The following ERGIC1 variants were observed in gnomAD, a reference collection of about 807,000 sequenced individuals.
ERGIC1 encodes endoplasmic reticulum-golgi intermediate compartment 1.
A neutral mutation model predicts 38.3 loss-of-function variants in ERGIC1; 19 were observed. That is an observed-to-expected ratio of 0.50 (90% CI 0.35 to 0.73). ERGIC1 has a LOEUF of 0.73. Among genes scored for constraint, ERGIC1 ranks in the 30% least tolerant of loss-of-function variants. The probability of loss-of-function intolerance (pLI) is 0.01; values close to 1 mark genes in which losing one functional copy is unlikely to be tolerated. For missense variants in ERGIC1, 294 were observed against 389.2 expected (o/e 0.76, Z 2.06); for synonymous variants, 124 against 157.6 (o/e 0.79, Z 1.60).
At chr5:172,872,811 A>G (rs1231373593) in intron 1 of ERGIC1, among the ~76,000 whole-genome samples, 2 of 152,024 alleles carry the variant, frequency 1.3e-5, no homozygotes, top group Non-Finnish European at 2.9e-5. Context: ...GCAAAACTCT[A>G]TCTCAAAAAA....
intron 3 of ERGIC1, chr5:172,905,565 G>A (rs1454539340): frequency 7.5e-6 from 3 of 400,322 alleles, no homozygotes; most frequent in African/African-American, 2.1e-5. Context: ...GGACAAACCC[G>A]GGCACTTAGC....
chr5:172,914,089 T>C (rs527899806), intron 4 of ERGIC1, among the ~76,000 whole-genome samples: 4 of 151,336 alleles, frequency 2.6e-5, no homozygotes, highest in Non-Finnish European at 5.9e-5. Context: ...ACAAAAAAAA[T>C]TTTTTTGTAT....
intron 3 of ERGIC1, among the ~76,000 whole-genome samples, chr5:172,900,599 A>G (rs1412444062): frequency 6.6e-6 from 1 of 152,006 alleles, no homozygotes; most frequent in Non-Finnish European, 1.5e-5. Context: ...AGTCCCAGCT[A>G]CTTGGGAGGC....
intron 1 of ERGIC1, chr5:172,867,273 G>A (rs2113138778): frequency 2.3e-6 from 1 of 432,538 alleles, no homozygotes; most frequent in South Asian, 1.6e-5. Context: ...GATCCCTTTG[G>A]GTACAGGCGG....
At chr5:172,940,131 G>A (rs1015069408) in intron 9 of ERGIC1, among the ~76,000 whole-genome samples, 3 of 152,090 alleles carry the variant, frequency 2.0e-5, no homozygotes, top group Admixed American at 2.0e-4. Context: ...AGGGAGGGAG[G>A]GTAGAGGCAG....
chr5:172,836,828 G>A (rs1468700667), intron 1 of ERGIC1, among the ~76,000 whole-genome samples: 1 of 152,216 alleles, frequency 6.6e-6, no homozygotes, highest in African/African-American at 2.4e-5. Context: ...ACACTTTGGG[G>A]TGCAGACATC....
At chr5:172,868,134 G>T (rs936900819) in intron 1 of ERGIC1, among the ~76,000 whole-genome samples, 1 of 152,224 alleles carries the variant, frequency 6.6e-6, no homozygotes, top group African/African-American at 2.4e-5. Context: ...CGCTTGCTAC[G>T]TGCTGGGAGC....
chr5:172,834,507 CCT>C lies in ERGIC1; in HGVS notation c.20+76_20+77del, dbSNP rs1456630638. 2.7e-5 allele frequency: 33 copies of C among 1,243,674 alleles called. No individual in the cohort carries two copies. The African/African-American group carries it at 5.0e-4, about 19-fold the overall frequency. 77.0% of individuals were successfully genotyped at this position (1,243,674 alleles called of 1,614,324 possible). On this transcript the variant is annotated intron_variant, in intron 1 of 9. Coordinates refer to ENST00000393784, the MANE Select transcript of ERGIC1 (RefSeq NM_001031711.3). This position sits in a 1 kb window ranked among gnomAD's most constrained non-coding sequence, Gnocchi z 4.1. ...GGAGCGCCCCGGCACGCCGCGGACCCCTCCCGCCCTGCATGCAAAAGCGGCTC... is the reference window on the plus strand; with the variant it reads ...GGAGCGCCCCGGCACGCCGCGGACCCCCCGCCCTGCATGCAAAAGCGGCTC...
intron 1 of ERGIC1, among the ~76,000 whole-genome samples, chr5:172,884,407 TTTG>T (rs1465276195): frequency 6.6e-5 from 10 of 151,592 alleles, no homozygotes; most frequent in Admixed American, 6.6e-4. Flanking sequence ...ACGCCCAACT[TTTG>T]TTGTTGTTTT....
chr5:172,867,475 G>A, intron 1 of ERGIC1: 1 of 422,478 alleles, frequency 2.4e-6, no homozygotes, highest in South Asian at 1.7e-5. Context: ...CTGCTGGCTG[G>A]CCTTGGCCAC....
intron 1 of ERGIC1, among the ~76,000 whole-genome samples, chr5:172,863,290 A>G (rs1282428132): frequency 6.6e-6 from 1 of 152,232 alleles, no homozygotes; most frequent in Admixed American, 6.5e-5. Flanking sequence ...ATTAAGTGTA[A>G]AAAGACCTAC....
intron 1 of ERGIC1, among the ~76,000 whole-genome samples, chr5:172,855,949 A>G (rs1761538845): frequency 6.6e-6 from 1 of 152,208 alleles, no homozygotes; most frequent in Non-Finnish European, 1.5e-5. Flanking sequence ...GGCCTCTTTA[A>G]TTCACATTTT....
intron 1 of ERGIC1, among the ~76,000 whole-genome samples, chr5:172,835,425 T>C (rs144680842): frequency 3.9e-5 from 6 of 152,172 alleles, no homozygotes; most frequent in African/African-American, 1.2e-4. Context: ...CACCTGCAAA[T>C]TGGGGCTAAA....
chr5:172,872,503 C>A (rs1028840001), intron 1 of ERGIC1, among the ~76,000 whole-genome samples: 1 of 152,200 alleles, frequency 6.6e-6, no homozygotes, highest in Non-Finnish European at 1.5e-5. Flanking sequence ...TTCTCAAGGT[C>A]ACTGAGAGTG....
At chr5:172,919,732 A>T (rs944160625) in intron 5 of ERGIC1, among the ~76,000 whole-genome samples, 11 of 152,182 alleles carry the variant, frequency 7.2e-5, no homozygotes, top group Non-Finnish European at 1.5e-4. Context: ...GGCCTGCCTC[A>T]TCTCCCGTCA....
Position 172,935,210 on chromosome 5 carries a change from C to T in ERGIC1, c.665C>T (p.Thr222Met), listed in dbSNP as rs369980778. ...ANKEYVAYSH[T>M]GRIIPAIWFR... is the part of the protein sequence containing the mutation. ...CAGGAATACGTCGCCTACAGCCACA[C>T]GGGCCGCATCATCCCTGCAATCTGG... The change falls in exon 9 of 10, where the codon ACG (threonine) becomes ATG (methionine). Residue 222 changes from threonine to methionine, a missense_variant. Transcript: ENST00000393784. 29 of 1,614,046 alleles carry T rather than the reference C, an allele frequency of 1.8e-5. No individual in the cohort carries two copies. Among genetic ancestry groups the T allele is most frequent in the African/African-American group, 4.0e-5 (3 of 74,914 alleles).
chr5:172,935,179 C>T lies in ERGIC1; in HGVS notation c.643-9C>T. ...TTTGTACTTCTGATTCTTATATCCTCTACCCCAGGAATACGTCGCCTACAG... is the reference window on the plus strand; with the variant it reads ...TTTGTACTTCTGATTCTTATATCCTTTACCCCAGGAATACGTCGCCTACAG... On this transcript the variant is annotated splice_polypyrimidine_tract_variant and intron_variant, in intron 8 of 9. Coordinates refer to ENST00000393784, the MANE Select transcript of ERGIC1 (RefSeq NM_001031711.3). The T allele has an allele frequency of 6.2e-7, 1 of 1,614,074 alleles. No individual in the cohort carries two copies. The highest frequency in any genetic ancestry group is 8.5e-7 in the Non-Finnish European group (1 of 1,180,004).
At chr5:172,935,060 T>C in intron 8 of ERGIC1, 128 bp from the exon 9 acceptor site, 2 of 1,367,074 alleles carry the variant, frequency 1.5e-6, no homozygotes, top group South Asian at 1.3e-5. Context: ...AGTGGGGGAG[T>C]CTGGCTTCGT....
chr5:172,834,463 G>T lies in ERGIC1; in HGVS notation c.20+30G>T. 1.5e-6 allele frequency: 2 copies of T among 1,308,236 alleles called. No individual in the cohort carries two copies. 81.0% of individuals were successfully genotyped at this position (1,308,236 alleles called of 1,614,324 possible). On this transcript the variant is annotated intron_variant, in intron 1 of 9. Transcript: ENST00000393784. This position sits in a 1 kb window ranked among gnomAD's most constrained non-coding sequence, Gnocchi z 4.1. ...GTGTGGCGACCCCGGCCAGTCGGGAGTTCCCTCAGCGGGCAGAGGGAGCGC... is the reference window on the plus strand; with the variant it reads ...GTGTGGCGACCCCGGCCAGTCGGGATTTCCCTCAGCGGGCAGAGGGAGCGC...
Sources: gnomAD v4.1 joint callset for allele counts (sites outside exome capture counted in the v4.1 genomes callset) on GRCh38, gnomAD v4.1.1 for gene constraint, Gnocchi (gnomAD v3.1) non-coding constraint, MANE v1.5 for transcripts, NCBI Gene and HGNC (gene_info 2026-07-23, HGNC 2026-07-21) for gene names.